The following AIMP1 variants were observed in gnomAD, a reference collection of about 807,000 sequenced individuals.
AIMP1 encodes aminoacyl tRNA synthase complex-interacting multifunctional protein 1.
Under a neutral mutation model 33.1 loss-of-function variants are expected in AIMP1, and 24 were observed. The ratio of observed to expected loss-of-function variants is 0.73; its 90% CI spans 0.53 to 1.02. The LOEUF (loss-of-function observed/expected upper bound fraction) is 1.02. Among genes scored for constraint, AIMP1 ranks in the 50% least tolerant of loss-of-function variants. The pLI is 0.00. For synonymous variants in AIMP1, 120 were observed against 121.5 expected, an observed-to-expected ratio of 0.99 and a Z score of 0.08; for missense variants, 367 against 364.8, an observed-to-expected ratio of 1.01 and a Z score of -0.05.
chr4:106,342,743 C>A (rs1770144479), intron 6 of AIMP1, among the ~76,000 whole-genome samples: 1 of 152,030 alleles, frequency 6.6e-6, no homozygotes. Context: ...CTAAAGTTTT[C>A]TTTTTTCCTT....
At chr4:106,344,709 C>T (rs959920791) in intron 6 of AIMP1, among the ~76,000 whole-genome samples, 2 of 152,280 alleles carry the variant, frequency 1.3e-5, no homozygotes, top group East Asian at 1.9e-4. Flanking sequence ...TTACAGTGAT[C>T]TCCCATTATT....
At chr4:106,330,419 AATTT>A (rs1323747623) in intron 4 of AIMP1, among the ~76,000 whole-genome samples, 1 of 152,062 alleles carries the variant, frequency 6.6e-6, no homozygotes, top group African/African-American at 2.4e-5. Context: ...AATTTTTGCT[AATTT>A]GTTTATGGAA....
intron 1 of AIMP1, among the ~76,000 whole-genome samples, chr4:106,322,485 ATAAT>A (rs1044086893): frequency 4.6e-5 from 7 of 152,290 alleles, no homozygotes; most frequent in South Asian, 2.1e-4. Flanking sequence ...AATTTAAATG[ATAAT>A]TAATCAACAA....
intron 5 of AIMP1, among the ~76,000 whole-genome samples, chr4:106,334,810 A>C (rs1769812718): frequency 6.6e-6 from 1 of 152,198 alleles, no homozygotes; most frequent in African/African-American, 2.4e-5. Context: ...AAATGAAAGC[A>C]AGTCATGTGT....
chr4:106,331,793 A>G lies in AIMP1; in HGVS notation c.513A>G (p.Ala171=). The G allele has an allele frequency of 6.2e-7, 1 of 1,614,158 alleles. No individual in the cohort carries two copies. Among genetic ancestry groups the G allele is most frequent in the Admixed American group, 1.7e-5 (1 of 60,028 alleles). The part of the protein sequence containing the change: ...CIITARKHPD[A]DSLYVEEVDV... ...TAACTGCTAGAAAACACCCTGATGCAGATTCTTTGTATGTGGAAGAAGTAG... is the reference window on the plus strand; with the variant it reads ...TAACTGCTAGAAAACACCCTGATGCGGATTCTTTGTATGTGGAAGAAGTAG... Residue 171 remains alanine, a synonymous_variant, in exon 5 of 7, where the codon GCA becomes GCG. Transcript: ENST00000672341.
Position 106,325,005 on chromosome 4 carries a change from CA to C in AIMP1, c.1del. 2 of 1,597,444 alleles carry C rather than the reference CA, an allele frequency of 1.3e-6. No individual in the cohort carries two copies. The highest frequency in any genetic ancestry group is 1.2e-5 in the South Asian group (1 of 86,578). On this transcript the variant is annotated 5_prime_UTR_variant, in exon 2 of 7. Coordinates refer to ENST00000672341, the MANE Select transcript of AIMP1 (RefSeq NM_001142416.2). ...TATAGGATTTTCTGCCGTCTCTTGG[CA>C]AAAATGGCAAATAATGATGCTGTTC...
Position 106,324,857 on chromosome 4 carries a change from T to C in AIMP1, c.-25-128T>C, listed in dbSNP as rs192564863. The C allele has an allele frequency of 1.2e-3, 871 of 734,518 alleles. 1 individual carries two copies. The highest frequency in any genetic ancestry group is 1.4e-3 in the Non-Finnish European group (718 of 503,066). The allele number at this position is 734,518 out of a possible 1,614,324, so 45.5% of individuals were successfully genotyped here. On this transcript the variant is annotated intron_variant, in intron 1 of 6. Coordinates refer to ENST00000672341, the MANE Select transcript of AIMP1 (RefSeq NM_001142416.2). ...GGCTTGTTGCTCTCCATAGGAAAAC[T>C]ATTTTTCTAAGATATTTATCTATTA...
chr4:106,342,633 C>T (rs991315212), intron 6 of AIMP1, among the ~76,000 whole-genome samples: 1 of 152,128 alleles, frequency 6.6e-6, no homozygotes, highest in South Asian at 2.1e-4. Context: ...GAAATAAAGC[C>T]TACTTGATTG....
At chr4:106,345,100 A>T (rs1435663606) in intron 6 of AIMP1, among the ~76,000 whole-genome samples, 1 of 152,198 alleles carries the variant, frequency 6.6e-6, no homozygotes, top group African/African-American at 2.4e-5. Context: ...GTGTGTTATT[A>T]TGAATGTTAT....
rs1287858319 is a variant in AIMP1, at chr4:106,348,833, TCAA to T, written c.*1145_*1147del. On this transcript the variant is annotated 3_prime_UTR_variant, in exon 7 of 7. Coordinates refer to ENST00000672341, the MANE Select transcript of AIMP1 (RefSeq NM_001142416.2). ...GAATCTGGGCCTTACCTTTACAGGTTCAACAAAAGAATGGCATCAATAGAGGCA... is the reference window on the plus strand; with the variant it reads ...GAATCTGGGCCTTACCTTTACAGGTTCAAAAGAATGGCATCAATAGAGGCA... The T allele has an allele frequency of 6.6e-6, 1 of 152,062 alleles. No individual in the cohort carries two copies. Among genetic ancestry groups the T allele is most frequent in the African/African-American group, 2.4e-5 (1 of 41,410 alleles). 9.4% of individuals were successfully genotyped at this position (152,062 alleles called of 1,614,324 possible).
chr4:106,329,772 CTTTTTTTTTTTTTTTTTTTT>C (rs59016309), intron 4 of AIMP1, among the ~76,000 whole-genome samples: 5 of 53,084 alleles, frequency 9.4e-5, no homozygotes, highest in African/African-American at 3.4e-4. Context: ...TGCTACATAT[CTTTTTTTTTTTTTTTTTTTT>C]TTTTTTTTTT....
intron 1 of AIMP1, 32 bp downstream of exon 1, chr4:106,316,626 G>C (rs1446824557): frequency 1.9e-6 from 3 of 1,549,192 alleles, no homozygotes; most frequent in Middle Eastern, 1.7e-4. Flanking sequence ...CACTCACTCG[G>C]GGATCGCCGA....
intron 1 of AIMP1, among the ~76,000 whole-genome samples, chr4:106,322,296 T>TA (rs1769294202): frequency 1.4e-5 from 2 of 144,764 alleles, no homozygotes; most frequent in African/African-American, 2.5e-5. Context: ...CTAAAAAAAA[T>TA]TAAAAAAAAA....
intron 5 of AIMP1, among the ~76,000 whole-genome samples, chr4:106,335,840 G>T (rs1331900981): frequency 6.6e-6 from 1 of 150,824 alleles, no homozygotes; most frequent in East Asian, 1.9e-4. Context: ...TAGTTCTCTT[G>T]TATGATTCAT....
intron 4 of AIMP1, among the ~76,000 whole-genome samples, chr4:106,329,042 CTTTTTT>C (rs33975641): frequency 7.3e-6 from 1 of 136,838 alleles, no homozygotes; most frequent in Non-Finnish European, 1.6e-5. Flanking sequence ...AACTTATTTA[CTTTTTT>C]TTTTTTTTTT....
intron 5 of AIMP1, among the ~76,000 whole-genome samples, chr4:106,333,097 G>T (rs1769743270): frequency 6.6e-6 from 1 of 151,042 alleles, no homozygotes; most frequent in Non-Finnish European, 1.5e-5. Context: ...GTGGAAGTTA[G>T]ACTCTTTAAC....
chr4:106,341,004 T>A (rs1400526482), intron 6 of AIMP1, among the ~76,000 whole-genome samples: 2 of 152,182 alleles, frequency 1.3e-5, no homozygotes, highest in Non-Finnish European at 2.9e-5. Flanking sequence ...TGATTTGCAC[T>A]TCTGTGATGT....
chr4:106,326,282 A>G (rs546672280), intron 2 of AIMP1, among the ~76,000 whole-genome samples: 64 of 152,314 alleles, frequency 4.2e-4, no homozygotes, highest in African/African-American at 1.5e-3. Context: ...ATAATTATTA[A>G]TAGGATTTTT....
chr4:106,316,436 A>C, upstream of AIMP1: 1 of 1,086,730 alleles, frequency 9.2e-7, no homozygotes, highest in Non-Finnish European at 1.4e-6. Flanking sequence ...GACTGAGCAC[A>C]GGAAGAGGAA....
Sources: gnomAD v4.1 joint callset for allele counts (sites outside exome capture counted in the v4.1 genomes callset) on GRCh38, gnomAD v4.1.1 for gene constraint, MANE v1.5 for transcripts, NCBI Gene and HGNC (gene_info 2026-07-23, HGNC 2026-07-21) for gene names.